SNTG1: variants seen among roughly 807,000 people sequenced by gnomAD.
SNTG1 encodes gamma-1-syntrophin.
A neutral mutation model predicts 74.7 loss-of-function variants in SNTG1; 39 were observed. That is an observed-to-expected ratio of 0.52 (90% CI 0.40 to 0.68). The LOEUF (loss-of-function observed/expected upper bound fraction) is 0.68, where lower values mean the gene tolerates loss of function less well. SNTG1 is among the 30% of genes least tolerant of loss of function. SNTG1 has a pLI of 0.00. For missense variants in SNTG1, 685 were observed against 609.5 expected, an observed-to-expected ratio of 1.12 and a Z score of -1.30; for synonymous variants, 254 against 217.1, an observed-to-expected ratio of 1.17 and a Z score of -1.49.
At chr8:50,124,599 G>A (rs571651373) in intron 1 of SNTG1, among the ~76,000 whole-genome samples, 6 of 142,260 alleles carry the variant, frequency 4.2e-5, no homozygotes, top group African/African-American at 1.5e-4. Context: ...TTGCATGATT[G>A]AAATGGACTT....
intron 2 of SNTG1, among the ~76,000 whole-genome samples, chr8:50,272,760 A>G (rs1020631688): frequency 1.3e-5 from 2 of 152,120 alleles, no homozygotes; most frequent in African/African-American, 4.8e-5. Context: ...TTTTATAGAC[A>G]GAGTCTTTCT....
chr8:50,184,963 CAAAG>C (rs1402933394), intron 2 of SNTG1, among the ~76,000 whole-genome samples: 2 of 152,044 alleles, frequency 1.3e-5, no homozygotes, highest in South Asian at 2.1e-4. Flanking sequence ...TTTAACAAAA[CAAAG>C]AAAAATTTGA....
At chr8:50,139,549 A>T (rs550705657) in intron 1 of SNTG1, among the ~76,000 whole-genome samples, 1 of 152,192 alleles carries the variant, frequency 6.6e-6, no homozygotes, top group African/African-American at 2.4e-5. Context: ...ATCCCCAAAT[A>T]TATGCTAAAA....
intron 10 of SNTG1, among the ~76,000 whole-genome samples, chr8:50,535,952 TA>T (rs1412750285): frequency 2.0e-5 from 3 of 152,098 alleles, no homozygotes; most frequent in Non-Finnish European, 4.4e-5. Context: ...ATTTTAACAT[TA>T]AAACTGAAAT....
chr8:50,214,366 A>G (rs963238599), intron 2 of SNTG1, among the ~76,000 whole-genome samples: 8 of 151,842 alleles, frequency 5.3e-5, no homozygotes, highest in Non-Finnish European at 4.4e-5. Context: ...TATGTAACTA[A>G]CCTGCACATT....
chr8:50,667,645 G>T (rs1265116530), intron 15 of SNTG1, among the ~76,000 whole-genome samples: 1 of 151,740 alleles, frequency 6.6e-6, no homozygotes, highest in African/African-American at 2.4e-5. Flanking sequence ...ATATAAATTT[G>T]GTTATTAAGT....
intron 8 of SNTG1, among the ~76,000 whole-genome samples, chr8:50,481,029 C>T (rs1469226900): frequency 6.6e-6 from 1 of 152,132 alleles, no homozygotes; most frequent in Non-Finnish European, 1.5e-5. Context: ...ATAACTTTAT[C>T]ATTTAAGGTG....
At chr8:50,060,785 T>A (rs1461566584) in intron 1 of SNTG1, among the ~76,000 whole-genome samples, 1 of 152,132 alleles carries the variant, frequency 6.6e-6, no homozygotes, top group Non-Finnish European at 1.5e-5. Context: ...GTTTTGAGAT[T>A]TGTTTAATGC....
At chr8:50,127,692 G>T (rs1695433038) in intron 1 of SNTG1, among the ~76,000 whole-genome samples, 1 of 152,120 alleles carries the variant, frequency 6.6e-6, no homozygotes, top group African/African-American at 2.4e-5. Flanking sequence ...TTTTAATAAT[G>T]CTTCATTTCA....
At chr8:50,352,985 G>A (rs570006372) in intron 2 of SNTG1, among the ~76,000 whole-genome samples, 5 of 152,122 alleles carry the variant, frequency 3.3e-5, no homozygotes, top group African/African-American at 1.2e-4. Flanking sequence ...ATTCACAATA[G>A]CAAAGACTTG....
At chr8:50,360,264 C>T (rs2091922018) in intron 2 of SNTG1, among the ~76,000 whole-genome samples, 1 of 152,130 alleles carries the variant, frequency 6.6e-6, no homozygotes, top group Non-Finnish European at 1.5e-5. Flanking sequence ...ATGAAACCCA[C>T]CCCCATTTCC....
intron 15 of SNTG1, among the ~76,000 whole-genome samples, chr8:50,660,172 A>G (rs1412936433): frequency 6.6e-6 from 1 of 151,544 alleles, no homozygotes; most frequent in African/African-American, 2.4e-5. Flanking sequence ...CTACTCATGT[A>G]ATTAGGGGAA....
At chr8:50,527,789 A>G (rs73585146) in intron 9 of SNTG1, among the ~76,000 whole-genome samples, 7,535 of 152,034 alleles carry the variant, frequency 0.05, 229 homozygotes, top group Middle Eastern at 0.12. Context: ...GAATGGAACT[A>G]AATTAAATTT....
At chr8:50,451,021 G>A (rs112501502) in intron 8 of SNTG1, among the ~76,000 whole-genome samples, 10 of 152,014 alleles carry the variant, frequency 6.6e-5, no homozygotes, top group African/African-American at 9.7e-5. Flanking sequence ...ACCACTGGGC[G>A]AAATACATCT....
intron 1 of SNTG1, among the ~76,000 whole-genome samples, chr8:50,115,567 CAA>C (rs11386539): frequency 2.2e-4 from 9 of 40,532 alleles, no homozygotes; most frequent in African/African-American, 5.3e-4. Context: ...GACTCTGTCT[CAA>C]AAAAAAAAAA....
intron 2 of SNTG1, among the ~76,000 whole-genome samples, chr8:50,332,550 T>A (rs1026136943): frequency 2.0e-5 from 3 of 152,188 alleles, no homozygotes; most frequent in Non-Finnish European, 4.4e-5. Context: ...TGGAATCGTG[T>A]ATAATGTTTG....
At chr8:50,360,222 G>A (rs1052712493) in intron 2 of SNTG1, among the ~76,000 whole-genome samples, 23 of 151,866 alleles carry the variant, frequency 1.5e-4, no homozygotes, top group South Asian at 8.3e-4. Flanking sequence ...AACAAACTTC[G>A]CAGTGAATTA....
At chr8:50,286,389 C>G (rs2088786055) in intron 2 of SNTG1, 1 of 152,200 alleles carries the variant, frequency 6.6e-6, no homozygotes. Flanking sequence ...TCAGTGTATG[C>G]TACAAGTGTG....
At chr8:50,554,525 G>A (rs1158271144) in intron 12 of SNTG1, among the ~76,000 whole-genome samples, 1 of 148,080 alleles carries the variant, frequency 6.8e-6, no homozygotes, top group Non-Finnish European at 1.5e-5. Flanking sequence ...AATACACCAA[G>A]CCTTACCCAG....
Sources: allele counts gnomAD v4.1 joint callset (sites outside exome capture counted in the v4.1 genomes callset), GRCh38; gene constraint gnomAD v4.1.1; transcripts MANE v1.5; gene names NCBI Gene and HGNC (gene_info 2026-07-23, HGNC 2026-07-21).